OSBP2: variants seen among roughly 807,000 people sequenced by gnomAD.
OSBP2 encodes the protein oxysterol-binding protein 2.
In OSBP2, 66 loss-of-function variants were observed where a neutral mutation model predicts 96.0. The ratio of observed to expected loss-of-function variants is 0.69; its 90% CI spans 0.56 to 0.84. The LOEUF (loss-of-function observed/expected upper bound fraction) is 0.84, where lower values mean the gene tolerates loss of function less well. Ranked by LOEUF, OSBP2 falls within the 40% of genes least tolerant of loss-of-function variation. OSBP2 has a pLI of 0.00. For missense variants in OSBP2, 1,038 were observed against 1,222.7 expected (o/e 0.85, Z 2.25); for synonymous variants, 525 against 520.9 (o/e 1.01, Z -0.11).
chr22:30,761,793 A>G (rs898718269), intron 2 of OSBP2, among the ~76,000 whole-genome samples: 2 of 152,204 alleles, frequency 1.3e-5, no homozygotes, highest in African/African-American at 4.8e-5. Flanking sequence ...CCAGACAAAT[A>G]TGGTCAGATG....
At chr22:30,706,174 G>C (rs2089250421) in intron 1 of OSBP2, among the ~76,000 whole-genome samples, 1 of 152,152 alleles carries the variant, frequency 6.6e-6, no homozygotes, top group African/African-American at 2.4e-5. Flanking sequence ...TTGGCAGCTT[G>C]GTGTGTGGTG....
At chr22:30,884,245 A>C (rs747484836) in intron 3 of OSBP2, among the ~76,000 whole-genome samples, 1 of 152,156 alleles carries the variant, frequency 6.6e-6, no homozygotes, top group Non-Finnish European at 1.5e-5. Context: ...CCCTGCCTCA[A>C]CCTGCAGGGA....
intron 2 of OSBP2, among the ~76,000 whole-genome samples, chr22:30,746,485 CTTTTTTTT>C (rs34500140): frequency 9.8e-6 from 1 of 101,530 alleles, no homozygotes. Flanking sequence ...GGATGAAACA[CTTTTTTTT>C]TTTTTTTTTT....
At chr22:30,727,882 G>A (rs2089677274) in intron 1 of OSBP2, among the ~76,000 whole-genome samples, 2 of 151,772 alleles carry the variant, frequency 1.3e-5, no homozygotes, top group African/African-American at 4.8e-5. Context: ...TGAGGCGGGT[G>A]GATCACAAGG....
intron 1 of OSBP2, among the ~76,000 whole-genome samples, chr22:30,723,131 A>ATATATATTTATTTATTTTTTGCT (rs1306290416): frequency 6.7e-6 from 1 of 150,010 alleles, no homozygotes; most frequent in Admixed American, 6.7e-5. Context: ...ATTTCTTCTA[A>ATATATATTTATTTATTTTTTGCT]TATATATTTA....
rs150510759 is a variant in OSBP2, at chr22:30,760,246, C to G, written c.853+18877C>G. On this transcript the variant is annotated intron_variant, in intron 2 of 13. Coordinates refer to ENST00000332585, the MANE Select transcript of OSBP2 (RefSeq NM_030758.4). ...CTCCTGACCTCAAGTGATCTGCTCGCCTTGGCCTCCCAAAGTGCTAGGATT... is the reference window on the plus strand; with the variant it reads ...CTCCTGACCTCAAGTGATCTGCTCGGCTTGGCCTCCCAAAGTGCTAGGATT... 6.0e-3 allele frequency among the ~76,000 whole-genome samples: 918 copies of G among 151,792 alleles called. 5 individuals carry two copies. Among genetic ancestry groups the G allele is most frequent in the Non-Finnish European group, 9.9e-3 (674 of 67,974 alleles).
intron 2 of OSBP2, among the ~76,000 whole-genome samples, chr22:30,766,718 T>C (rs1444897830): frequency 6.6e-6 from 1 of 152,086 alleles, no homozygotes; most frequent in Non-Finnish European, 1.5e-5. Context: ...ATGTTTCCCC[T>C]CCATGACGCC....
At chr22:30,811,622 G>T (rs136247) in intron 2 of OSBP2, among the ~76,000 whole-genome samples, 74,856 of 151,206 alleles carry the variant, frequency 0.5, 19,427 homozygotes, top group African/African-American at 0.66. Flanking sequence ...TGACACAATC[G>T]CAGCTCACTG....
At chr22:30,725,292 G>A (rs558728702) in intron 1 of OSBP2, among the ~76,000 whole-genome samples, 4 of 151,940 alleles carry the variant, frequency 2.6e-5, no homozygotes, top group South Asian at 2.1e-4. Flanking sequence ...ATCTCTTGAG[G>A]CCAGGAGTTC....
intron 1 of OSBP2, among the ~76,000 whole-genome samples, chr22:30,710,055 T>C (rs1378954458): frequency 3.3e-5 from 5 of 151,944 alleles, no homozygotes; most frequent in African/African-American, 1.2e-4. Flanking sequence ...GCTAATTTTT[T>C]TGGTATTTTT....
intron 2 of OSBP2, among the ~76,000 whole-genome samples, chr22:30,818,354 CATGA>C (rs2091105336): frequency 6.6e-6 from 1 of 152,054 alleles, no homozygotes; most frequent in Non-Finnish European, 1.5e-5. Flanking sequence ...CCTGATATTC[CATGA>C]AGTTGATGAA....
At chr22:30,791,110 A>G (rs1224678619) in intron 2 of OSBP2, among the ~76,000 whole-genome samples, 2 of 151,190 alleles carry the variant, frequency 1.3e-5, no homozygotes, top group African/African-American at 4.9e-5. Flanking sequence ...CAGCCTCCCA[A>G]GTAGCTGAGT....
chr22:30,790,210 G>T (rs955164211), intron 2 of OSBP2, among the ~76,000 whole-genome samples: 1 of 152,034 alleles, frequency 6.6e-6, no homozygotes, highest in Non-Finnish European at 1.5e-5. Flanking sequence ...TTCACCTTTG[G>T]CCCTGGCCTA....
In OSBP2 at chr22:30,870,439, G is replaced by C. The variant is rs1555924014; in HGVS notation, c.864G>C (p.Gly288=). The change falls in exon 3 of 14, where the codon GGG becomes GGC. Residue 288 remains glycine, a synonymous_variant. Transcript: ENST00000332585. This position sits in a 1 kb window ranked among gnomAD's most constrained non-coding sequence, Gnocchi z 4.1. ...TATTTTCTTCCACAGATGACTCTGG[G>C]GACGACGACGAGGCTACCACCCCAG... ...RVMNTHSDDS[G]DDDEATTPAD... 6.2e-7 allele frequency: 1 copy of C among 1,613,894 alleles called. No homozygotes were observed. Among genetic ancestry groups the C allele is most frequent in the Non-Finnish European group, 8.5e-7 (1 of 1,180,020 alleles).
At chr22:30,716,195 C>T (rs2089453292) in intron 1 of OSBP2, among the ~76,000 whole-genome samples, 2 of 151,682 alleles carry the variant, frequency 1.3e-5, no homozygotes, top group South Asian at 4.2e-4. Flanking sequence ...GTGCCTGCCA[C>T]CACACCCAGC....
intron 2 of OSBP2, among the ~76,000 whole-genome samples, chr22:30,864,368 A>G (rs892608006): frequency 2.6e-5 from 4 of 152,314 alleles, no homozygotes; most frequent in Non-Finnish European, 4.4e-5. Context: ...GCACTGTACC[A>G]TTGAAGTGAC....
chr22:30,865,623 C>A (rs533014864), intron 2 of OSBP2, among the ~76,000 whole-genome samples: 1 of 113,734 alleles, frequency 8.8e-6, no homozygotes, highest in South Asian at 3.3e-4. Context: ...CAAAGCAAGA[C>A]TCCATCTCAA....
chr22:30,741,127 A>G (rs2089932136), intron 1 of OSBP2, 34 bp from the exon 2 acceptor site: 1 of 1,530,846 alleles, frequency 6.5e-7, no homozygotes, highest in Non-Finnish European at 9.0e-7. Flanking sequence ...TGAGATTAGG[A>G]GCCTCACCCC....
intron 2 of OSBP2, among the ~76,000 whole-genome samples, chr22:30,841,963 T>G (rs78046650): frequency 6.6e-6 from 1 of 152,046 alleles, no homozygotes; most frequent in Non-Finnish European, 1.5e-5. Flanking sequence ...TTTTTTTTTT[T>G]GAGAGAGGGT....
Sources: gnomAD v4.1 joint callset for allele counts (sites outside exome capture counted in the v4.1 genomes callset) on GRCh38, gnomAD v4.1.1 for gene constraint, Gnocchi (gnomAD v3.1) non-coding constraint, MANE v1.5 for transcripts, NCBI Gene and HGNC (gene_info 2026-07-23, HGNC 2026-07-21) for gene names.